AUH: variants seen among roughly 807,000 people sequenced by gnomAD.
The protein encoded by AUH is AU RNA binding methylglutaconyl-CoA hydratase, also known as methylglutaconyl-CoA hydratase, mitochondrial.
Under a neutral mutation model 42.3 loss-of-function variants are expected in AUH, and 29 were observed. The ratio of observed to expected loss-of-function variants is 0.69; its 90% confidence interval spans 0.51 to 0.93. The LOEUF is 0.93. Ranked by LOEUF, AUH falls within the 40% of genes least tolerant of loss-of-function variation. The probability of loss-of-function intolerance (pLI) is 0.00; values close to 1 mark genes in which losing one functional copy is unlikely to be tolerated. For synonymous variants in AUH, 174 were observed against 166.4 expected (o/e 1.05, Z -0.35); for missense variants, 452 against 438.1 (o/e 1.03, Z -0.28).
At chr9:91,238,866 G>A (rs1337751132) in intron 6 of AUH, among the ~76,000 whole-genome samples, 1 of 152,164 alleles carries the variant, frequency 6.6e-6, no homozygotes, top group African/African-American at 2.4e-5. Context: ...TGCCTCTTGG[G>A]AGCCATGAGA....
intron 4 of AUH, among the ~76,000 whole-genome samples, chr9:91,302,932 C>T (rs1827918786): frequency 6.6e-6 from 1 of 152,160 alleles, no homozygotes. Context: ...CGAGCAATGG[C>T]TATTCCCAAC....
At chr9:91,218,065 G>C (rs1826929802) in intron 7 of AUH, among the ~76,000 whole-genome samples, 1 of 152,154 alleles carries the variant, frequency 6.6e-6, no homozygotes, top group African/African-American at 2.4e-5. Context: ...TAATAAATGT[G>C]AATTCAATGC....
intron 6 of AUH, among the ~76,000 whole-genome samples, chr9:91,281,700 T>A (rs1375414472): frequency 3.3e-5 from 5 of 152,292 alleles, no homozygotes; most frequent in Admixed American, 6.5e-5. Context: ...GAGTCATTCT[T>A]TACATCGGTT....
intron 3 of AUH, among the ~76,000 whole-genome samples, chr9:91,353,406 A>C (rs895300808): frequency 6.6e-6 from 1 of 152,118 alleles, no homozygotes; most frequent in Non-Finnish European, 1.5e-5. Flanking sequence ...TAATATTACT[A>C]CTTTGGAGTA....
chr9:91,299,029 G>A lies in AUH; in HGVS notation c.506-953C>T, dbSNP rs888197280. ...AGGTCAGGAGTTCAAGACCAGCCTG[G>A]CCAACATGGTGAAACCTCATCTCTA... On this transcript the variant is annotated intron_variant, in intron 4 of 9. Coordinates refer to ENST00000375731, the MANE Select transcript of AUH (RefSeq NM_001698.3). Among the ~76,000 whole-genome samples, 11 of 152,120 alleles carry A rather than the reference G, an allele frequency of 7.2e-5. No homozygotes were observed. In the South Asian group the frequency reaches 2.3e-3, roughly 31 times the overall value.
intron 6 of AUH, among the ~76,000 whole-genome samples, chr9:91,287,110 G>C (rs1826476081): frequency 6.6e-6 from 1 of 151,980 alleles, no homozygotes; most frequent in South Asian, 2.1e-4. Context: ...AAATGGGTAA[G>C]TATCATGTTT....
intron 3 of AUH, among the ~76,000 whole-genome samples, chr9:91,354,686 T>C (rs912735300): frequency 6.6e-6 from 1 of 152,178 alleles, no homozygotes; most frequent in Non-Finnish European, 1.5e-5. Context: ...ATTTTTAAAA[T>C]GTTAATCTGT....
At chr9:91,277,876 T>C (rs1825668155) in intron 6 of AUH, among the ~76,000 whole-genome samples, 1 of 152,242 alleles carries the variant, frequency 6.6e-6, no homozygotes, top group Admixed American at 6.5e-5. Context: ...CTTTTGTCTT[T>C]GAATGCTCTG....
intron 4 of AUH, among the ~76,000 whole-genome samples, chr9:91,307,997 G>A (rs1828361830): frequency 6.6e-6 from 1 of 152,182 alleles, no homozygotes; most frequent in Admixed American, 6.5e-5. Flanking sequence ...CACTACGTAA[G>A]TGTAATAATG....
chr9:91,306,444 A>G lies in AUH; in HGVS notation c.506-8368T>C, dbSNP rs997491749. ...AGTCACTTCTATTTCTGATAAAAAG[A>G]TAACATACCATAAGTAGTTTACTTT... On this transcript the variant is annotated intron_variant, in intron 4 of 9. Transcript: ENST00000375731. 46 of 902,518 alleles carry G rather than the reference A, an allele frequency of 5.1e-5. 1 individual carries two copies. The African/African-American group carries it at 6.6e-4, about 13-fold the overall frequency. 55.9% of individuals were successfully genotyped at this position (902,518 alleles called of 1,614,324 possible).
intron 6 of AUH, among the ~76,000 whole-genome samples, chr9:91,230,287 G>C (rs1017187218): frequency 1.3e-5 from 2 of 151,724 alleles, no homozygotes; most frequent in Admixed American, 6.6e-5. Flanking sequence ...TTTCCTTCTC[G>C]CTTCATTTCA....
At chr9:91,216,755 C>A (rs1287394695) in intron 8 of AUH, among the ~76,000 whole-genome samples, 1 of 152,094 alleles carries the variant, frequency 6.6e-6, no homozygotes, top group Admixed American at 6.5e-5. Flanking sequence ...TGTGCACCAC[C>A]CCCTCCTCCC....
At chr9:91,297,000 G>A (rs1827390667) in intron 5 of AUH, among the ~76,000 whole-genome samples, 1 of 152,234 alleles carries the variant, frequency 6.6e-6, no homozygotes, top group Admixed American at 6.5e-5. Context: ...AGCAAGAGAA[G>A]AACAGTGACA....
chr9:91,345,239 AG>A (rs1344442838), intron 3 of AUH, among the ~76,000 whole-genome samples: 2 of 152,312 alleles, frequency 1.3e-5, no homozygotes, highest in East Asian at 3.9e-4. Context: ...CAGATAGGAA[AG>A]GAAGAAGTAA....
chr9:91,302,864 T>G (rs940318391), intron 4 of AUH, among the ~76,000 whole-genome samples: 1 of 152,180 alleles, frequency 6.6e-6, no homozygotes, highest in South Asian at 2.1e-4. Context: ...TCTAAAGGAA[T>G]AGCAAAATGA....
Position 91,223,365 on chromosome 9 carries a change from C to T in AUH, c.656-2373G>A, listed in dbSNP as rs550275954. On this transcript the variant is annotated intron_variant, in intron 6 of 9. Transcript: ENST00000375731. Reference sequence around the variant, plus strand: ...CACCTGTTTCACTTAGCGTAATGTCCTCAAGATTCACCTCTGTTGTAGCAT... The same window carrying T: ...CACCTGTTTCACTTAGCGTAATGTCTTCAAGATTCACCTCTGTTGTAGCAT... Among the ~76,000 whole-genome samples the T allele has an allele frequency of 1.4e-4, 22 of 152,284 alleles. 1 individual carries two copies. The highest frequency in any genetic ancestry group is 1.2e-3 in the Admixed American group (18 of 15,296).
chr9:91,238,725 T>C (rs1443756945), intron 6 of AUH, among the ~76,000 whole-genome samples: 2 of 152,244 alleles, frequency 1.3e-5, no homozygotes, highest in Non-Finnish European at 2.9e-5. Context: ...CCTGCGATTA[T>C]ACTACTTAAA....
intron 6 of AUH, among the ~76,000 whole-genome samples, chr9:91,276,304 G>A (rs750232036): frequency 2.6e-5 from 4 of 151,644 alleles, no homozygotes; most frequent in South Asian, 2.1e-4. Flanking sequence ...GGTGGCGGAC[G>A]CCTGTAATCC....
At chr9:91,275,602 T>C (rs1825480395) in intron 6 of AUH, among the ~76,000 whole-genome samples, 1 of 152,172 alleles carries the variant, frequency 6.6e-6, no homozygotes. Flanking sequence ...TAACACGGCA[T>C]CAGGTAAAAG....
Sources: gnomAD v4.1 joint callset for allele counts (sites outside exome capture counted in the v4.1 genomes callset) on GRCh38, gnomAD v4.1.1 for gene constraint, MANE v1.5 for transcripts, NCBI Gene and HGNC (gene_info 2026-07-23, HGNC 2026-07-21) for gene names.